The following RBFOX1 variants were observed in gnomAD, a reference collection of about 807,000 sequenced individuals.
The protein encoded by RBFOX1 is RNA binding fox-1 homolog 1.
Under a neutral mutation model 57.7 loss-of-function variants are expected in RBFOX1, and 8 were observed. That is an observed-to-expected ratio of 0.14 (90% confidence interval 0.08 to 0.25). The LOEUF is 0.25. RBFOX1 is among the 10% of genes least tolerant of loss of function. The pLI, the probability that RBFOX1 is intolerant of heterozygous loss-of-function variation, is 1.00. For missense variants in RBFOX1, 611 were observed against 548.5 expected (o/e 1.11, Z -1.14); for synonymous variants, 326 against 222.4 (o/e 1.47, Z -4.15).
chr16:7,049,490 T>G (rs1440411839), intron 3 of RBFOX1, among the ~76,000 whole-genome samples: 1 of 152,202 alleles, frequency 6.6e-6, no homozygotes, highest in African/African-American at 2.4e-5. Flanking sequence ...AATGGGGATT[T>G]TCCCTATTCT....
At chr16:7,669,563 C>G (rs1037351089) in intron 13 of RBFOX1, among the ~76,000 whole-genome samples, 3 of 152,204 alleles carry the variant, frequency 2.0e-5, no homozygotes, top group African/African-American at 7.2e-5. Flanking sequence ...GGCCGCCTAG[C>G]AAATATGTCT....
intron 3 of RBFOX1, among the ~76,000 whole-genome samples, chr16:5,678,655 C>T (rs957001197): frequency 2.0e-5 from 3 of 152,150 alleles, no homozygotes; most frequent in African/African-American, 4.8e-5. Context: ...CAAGTGAGAA[C>T]CTCAGCTGAG....
intron 3 of RBFOX1, among the ~76,000 whole-genome samples, chr16:6,861,178 A>G (rs1241467995): frequency 6.6e-6 from 1 of 152,166 alleles, no homozygotes; most frequent in Non-Finnish European, 1.5e-5. Context: ...ATTGCATAAG[A>G]AAAAAGAGTG....
At chr16:5,955,823 T>C (rs1451825080) in intron 4 of RBFOX1, among the ~76,000 whole-genome samples, 1 of 152,152 alleles carries the variant, frequency 6.6e-6, no homozygotes, top group Non-Finnish European at 1.5e-5. Flanking sequence ...GGAAAACTAA[T>C]ATATATGACA....
intron 2 of RBFOX1, among the ~76,000 whole-genome samples, chr16:6,374,545 G>A (rs565198535): frequency 7.2e-5 from 11 of 152,014 alleles, no homozygotes; most frequent in Admixed American, 2.6e-4. Context: ...GAAAATTTTC[G>A]TAATTGAACC....
At chr16:6,291,966 T>C (rs2077514403) in intron 1 of RBFOX1, among the ~76,000 whole-genome samples, 1 of 152,154 alleles carries the variant, frequency 6.6e-6, no homozygotes. Context: ...TGTGTGTGTG[T>C]GTGTGTACAT....
chr16:7,647,966 G>A (rs553556320), intron 11 of RBFOX1, among the ~76,000 whole-genome samples: 2 of 152,268 alleles, frequency 1.3e-5, no homozygotes, highest in African/African-American at 2.4e-5. Flanking sequence ...TTTAATTTGT[G>A]TCTGAATCAT....
chr16:6,587,411 A>T (rs1336721943), intron 2 of RBFOX1, among the ~76,000 whole-genome samples: 1 of 152,074 alleles, frequency 6.6e-6, no homozygotes, highest in Non-Finnish European at 1.5e-5. Context: ...CCTCCTGAGT[A>T]GCTGGGATTA....
At chr16:7,230,783 C>A (rs754550687) in intron 4 of RBFOX1, among the ~76,000 whole-genome samples, 1 of 152,228 alleles carries the variant, frequency 6.6e-6, no homozygotes, top group Admixed American at 6.5e-5. Context: ...GCTCTTCGGA[C>A]ATAAACTTTC....
At chr16:6,352,493 T>G (rs1453856174) in intron 2 of RBFOX1, among the ~76,000 whole-genome samples, 1 of 152,216 alleles carries the variant, frequency 6.6e-6, no homozygotes, top group Non-Finnish European at 1.5e-5. Flanking sequence ...TTGAAAATTT[T>G]CTAAACACTA....
At chr16:7,034,728 GT>G (rs1388100524) in intron 3 of RBFOX1, among the ~76,000 whole-genome samples, 1 of 150,746 alleles carries the variant, frequency 6.6e-6, no homozygotes, top group Non-Finnish European at 1.5e-5. Context: ...CAGTGCCCCT[GT>G]AGATTTATTG....
chr16:5,881,897 A>T (rs1388959276), intron 4 of RBFOX1, among the ~76,000 whole-genome samples: 1 of 152,204 alleles, frequency 6.6e-6, no homozygotes, highest in Non-Finnish European at 1.5e-5. Flanking sequence ...AAGGTACTAA[A>T]ATAATAATAA....
chr16:5,885,732 G>T (rs370377955), intron 4 of RBFOX1, among the ~76,000 whole-genome samples: 3 of 152,120 alleles, frequency 2.0e-5, no homozygotes, highest in South Asian at 4.2e-4. Flanking sequence ...GAGTTTAGAG[G>T]CAGGAAGTGA....
At chr16:6,884,173 C>T (rs1322172338) in intron 3 of RBFOX1, among the ~76,000 whole-genome samples, 2 of 152,208 alleles carry the variant, frequency 1.3e-5, no homozygotes, top group South Asian at 2.1e-4. Context: ...TTCCGAGGCC[C>T]CTTCTGCTCA....
intron 1 of RBFOX1, among the ~76,000 whole-genome samples, chr16:6,177,040 A>G (rs1049558216): frequency 2.0e-5 from 3 of 152,220 alleles, no homozygotes; most frequent in Non-Finnish European, 2.9e-5. Context: ...CCATTCATTT[A>G]TTTCAGCAAC....
At chr16:5,374,255 T>C (rs907516194) in intron 1 of RBFOX1, among the ~76,000 whole-genome samples, 11 of 152,348 alleles carry the variant, frequency 7.2e-5, no homozygotes, top group Admixed American at 2.6e-4. Flanking sequence ...TTCAGGTAGT[T>C]ATTTATAGCA....
intron 11 of RBFOX1, among the ~76,000 whole-genome samples, chr16:7,633,943 A>G (rs1421611307): frequency 6.6e-6 from 1 of 152,000 alleles, no homozygotes; most frequent in Non-Finnish European, 1.5e-5. Context: ...ACCATTCCCC[A>G]TTTCCTGCAA....
intron 4 of RBFOX1, among the ~76,000 whole-genome samples, chr16:7,397,701 G>C (rs758735476): frequency 2.0e-5 from 3 of 152,072 alleles, no homozygotes; most frequent in Non-Finnish European, 1.5e-5. Context: ...GACTGTCCTC[G>C]CCCTCTGGAA....
chr16:6,066,967 G>T (rs182001771), intron 1 of RBFOX1, among the ~76,000 whole-genome samples: 1 of 152,106 alleles, frequency 6.6e-6, no homozygotes, highest in Admixed American at 6.5e-5. Context: ...AGTAGGGGGC[G>T]GGGGAGGGCG....
Sources: allele counts gnomAD v4.1 joint callset (sites outside exome capture counted in the v4.1 genomes callset), GRCh38; gene constraint gnomAD v4.1.1; transcripts MANE v1.5; gene names NCBI Gene and HGNC (gene_info 2026-07-23, HGNC 2026-07-21).